PTCHD4: variants seen among roughly 807,000 people sequenced by gnomAD.
PTCHD4 encodes patched domain containing 4, also known as patched domain-containing protein 4.
PTCHD4 carries 33 observed loss-of-function variants against 58.1 expected under a neutral mutation model. The observed-to-expected ratio is 0.57, with a 90% CI of 0.43 to 0.76. PTCHD4 has a LOEUF of 0.76. Among genes scored for constraint, PTCHD4 ranks in the 30% least tolerant of loss-of-function variants. The pLI is 0.00. For synonymous variants in PTCHD4, 478 were observed against 409.6 expected (o/e 1.17, Z -2.02); for missense variants, 1,058 against 1,027.1 (o/e 1.03, Z -0.41).
At chr6:47,904,905 G>A (rs1260396890) in intron 4 of PTCHD4, among the ~76,000 whole-genome samples, 1 of 152,138 alleles carries the variant, frequency 6.6e-6, no homozygotes, top group Non-Finnish European at 1.5e-5. Context: ...TACATTAGAT[G>A]AGGCCAATGG....
intron 3 of PTCHD4, among the ~76,000 whole-genome samples, chr6:48,010,901 C>T (rs1315714372): frequency 6.6e-6 from 1 of 152,172 alleles, no homozygotes; most frequent in African/African-American, 2.4e-5. Flanking sequence ...ATCCAAAGGA[C>T]ATGAACTCAT....
chr6:48,031,464 A>G (rs767375481), intron 3 of PTCHD4, among the ~76,000 whole-genome samples: 12 of 152,092 alleles, frequency 7.9e-5, no homozygotes, highest in Non-Finnish European at 1.8e-4. Flanking sequence ...CTCTGAGTAA[A>G]GAATAATTAC....
rs1042355809 is a variant in PTCHD4 at position 48,068,039 on chromosome 6, A to G, written c.417+191T>C. Among the ~76,000 whole-genome samples, 1 of 152,154 alleles carries G rather than the reference A, an allele frequency of 6.6e-6. No homozygotes were observed. The highest frequency in any genetic ancestry group is 6.5e-5 in the Admixed American group (1 of 15,284). On this transcript the variant is annotated intron_variant, in intron 3 of 4. Coordinates refer to ENST00000339488, the MANE Select transcript of PTCHD4 (RefSeq NM_001384253.1). This position sits in a 1 kb window ranked among gnomAD's most constrained non-coding sequence, Gnocchi z 4.2. Reference sequence around the variant, plus strand: ...TGCTGCCTCTTTAATTGGCAGAAGCATGCAGAAGGAGCATACCTTTAATTT... The same window carrying G: ...TGCTGCCTCTTTAATTGGCAGAAGCGTGCAGAAGGAGCATACCTTTAATTT...
chr6:48,039,608 G>A (rs1343252040), intron 3 of PTCHD4, among the ~76,000 whole-genome samples: 1 of 152,066 alleles, frequency 6.6e-6, no homozygotes, highest in Non-Finnish European at 1.5e-5. Context: ...TATGTATGAT[G>A]TATTACACAA....
chr6:48,000,364 A>G (rs1049748646), intron 4 of PTCHD4, among the ~76,000 whole-genome samples: 1 of 152,088 alleles, frequency 6.6e-6, no homozygotes, highest in Non-Finnish European at 1.5e-5. Flanking sequence ...TTGTTTTCTG[A>G]TTAAATTCAA....
At chr6:47,996,525 C>T (rs1768494145) in intron 4 of PTCHD4, among the ~76,000 whole-genome samples, 1 of 152,108 alleles carries the variant, frequency 6.6e-6, no homozygotes, top group Admixed American at 6.5e-5. Flanking sequence ...CCCCAGAAGC[C>T]CCGGGCTCAG....
chr6:48,016,231 T>G (rs375723320), intron 3 of PTCHD4, among the ~76,000 whole-genome samples: 5 of 152,082 alleles, frequency 3.3e-5, no homozygotes, highest in South Asian at 4.1e-4. Context: ...CTCAGGGACC[T>G]GAAGGGAGTA....
At chr6:48,066,099 C>CCTTTTT (rs763897152) in intron 3 of PTCHD4, among the ~76,000 whole-genome samples, 1 of 131,262 alleles carries the variant, frequency 7.6e-6, no homozygotes, top group African/African-American at 3.0e-5. Context: ...CTGACATCTA[C>CCTTTTT]TTTTTTTTTT....
rs568047956 is a variant in PTCHD4 at position 48,073,942 on chromosome 6, G to T, written c.-969-4016C>A. 3.9e-5 allele frequency among the ~76,000 whole-genome samples: 6 copies of T among 152,204 alleles called. No homozygotes were observed. The South Asian group carries it at 1.0e-3, about 26-fold the overall frequency. ...AACTCACCCTCTTTCTGGATTCTTT[G>T]CCCTGTTCACCTTCAGTCCTGATTA... is the stretch of plus-strand genomic sequence containing the variant. On this transcript the variant is annotated intron_variant, in intron 1 of 4. Coordinates refer to ENST00000339488, the MANE Select transcript of PTCHD4 (RefSeq NM_001384253.1).
Position 47,878,971 on chromosome 6 carries a change from C to G in PTCHD4, c.1864G>C (p.Val622Leu), listed in dbSNP as rs1440805673. ...SRDKQKEITE[V>L]LEKLRPLSLS... is the part of the protein sequence containing the mutation. Reference sequence around the variant, plus strand: ...GATAGGGGCCTCAGCTTTTCCAACACTTCTGTGATTTCTTTCTGCTTGTCT... The same window carrying G: ...GATAGGGGCCTCAGCTTTTCCAACAGTTCTGTGATTTCTTTCTGCTTGTCT... Residue 622 changes from valine (V) to leucine (L), a missense_variant, in exon 5 of 5, where the codon GTG becomes CTG. Transcript: ENST00000339488. 1.7e-5 allele frequency: 28 copies of G among 1,612,996 alleles called. No individual in the cohort carries two copies. Among genetic ancestry groups the G allele is most frequent in the Non-Finnish European group, 2.4e-5 (28 of 1,179,780 alleles).
Position 47,895,246 on chromosome 6 carries a change from G to A in PTCHD4, c.899-15310C>T, listed in dbSNP as rs547281512. 6.6e-5 allele frequency among the ~76,000 whole-genome samples: 10 copies of A among 152,274 alleles called. No individual in the cohort carries two copies. In the South Asian group the frequency reaches 1.0e-3, roughly 16 times the overall value. On this transcript the variant is annotated intron_variant, in intron 4 of 4. Coordinates refer to ENST00000339488, the MANE Select transcript of PTCHD4 (RefSeq NM_001384253.1). ...CCCAGGGAAAGATGAGCTTGGCCACGTGACTACCAGAAAGTTTAGACAAAT... is the reference window on the plus strand; with the variant it reads ...CCCAGGGAAAGATGAGCTTGGCCACATGACTACCAGAAAGTTTAGACAAAT...
rs1416448376 is a variant in PTCHD4 at position 47,865,458 on chromosome 6, T to G, written c.*12845A>C. 6.6e-6 allele frequency among the ~76,000 whole-genome samples: 1 copy of G among 151,924 alleles called. No homozygotes were observed. The highest frequency in any genetic ancestry group is 1.5e-5 in the Non-Finnish European group (1 of 67,890). On this transcript the variant is annotated 3_prime_UTR_variant, in exon 5 of 5. Coordinates refer to ENST00000339488, the MANE Select transcript of PTCHD4 (RefSeq NM_001384253.1). ...AACCACAGGAATGTGAAGATTAAACTATACATTAGAGTATTGTAGTAAATA... is the reference window on the plus strand; with the variant it reads ...AACCACAGGAATGTGAAGATTAAACGATACATTAGAGTATTGTAGTAAATA...
intron 4 of PTCHD4, among the ~76,000 whole-genome samples, chr6:47,937,333 T>C (rs776311758): frequency 6.6e-6 from 1 of 152,004 alleles, no homozygotes; most frequent in African/African-American, 2.4e-5. Context: ...AAGGTAACAA[T>C]GGAGATGGTA....
chr6:47,919,510 G>T (rs1437472569), intron 4 of PTCHD4, among the ~76,000 whole-genome samples: 1 of 152,174 alleles, frequency 6.6e-6, no homozygotes, highest in Non-Finnish European at 1.5e-5. Flanking sequence ...ATAAGAAGGA[G>T]TTAAATATCT....
chr6:48,005,995 T>C (rs1343234215), intron 4 of PTCHD4, among the ~76,000 whole-genome samples: 1 of 152,152 alleles, frequency 6.6e-6, no homozygotes, highest in Non-Finnish European at 1.5e-5. Flanking sequence ...ACAATCATTT[T>C]AAAAATAAAA....
At chr6:47,976,105 C>T (rs1299713355) in intron 4 of PTCHD4, among the ~76,000 whole-genome samples, 1 of 152,176 alleles carries the variant, frequency 6.6e-6, no homozygotes, top group African/African-American at 2.4e-5. Context: ...GTTGTTCACT[C>T]AGCTTGTTGC....
intron 3 of PTCHD4, among the ~76,000 whole-genome samples, chr6:48,034,965 C>A (rs955129222): frequency 2.0e-5 from 3 of 152,112 alleles, no homozygotes; most frequent in Non-Finnish European, 4.4e-5. Context: ...GTTCACTTCA[C>A]CCTTCCGAAG....
At chr6:48,036,723 T>C (rs535433311) in intron 3 of PTCHD4, among the ~76,000 whole-genome samples, 2 of 152,140 alleles carry the variant, frequency 1.3e-5, no homozygotes, top group Admixed American at 6.5e-5. Context: ...TTAAAGACAA[T>C]AGGTGAAAGT....
chr6:48,032,066 AC>A (rs59150380), intron 3 of PTCHD4, among the ~76,000 whole-genome samples: 120,551 of 151,266 alleles, frequency 0.8, 48,064 homozygotes, highest in Middle Eastern at 0.85. Flanking sequence ...TTCTCCACAA[AC>A]CCCAGGCATT....
Sources: gnomAD v4.1 joint callset for allele counts (sites outside exome capture counted in the v4.1 genomes callset) on GRCh38, gnomAD v4.1.1 for gene constraint, Gnocchi (gnomAD v3.1) non-coding constraint, MANE v1.5 for transcripts, NCBI Gene and HGNC (gene_info 2026-07-23, HGNC 2026-07-21) for gene names.